The following SEC14L6 variants were observed in gnomAD, a reference collection of about 807,000 sequenced individuals.
The protein encoded by SEC14L6 is SEC14-like protein 6.
In SEC14L6, 40 loss-of-function variants were observed where a neutral mutation model predicts 54.1. The observed-to-expected ratio is 0.74, with a 90% confidence interval of 0.57 to 0.96. The LOEUF is 0.96. SEC14L6 is among the 40% of genes least tolerant of loss of function. The pLI, the probability that SEC14L6 is intolerant of heterozygous loss-of-function variation, is 0.00. For synonymous variants in SEC14L6, 171 were observed against 198.4 expected (o/e 0.86, Z 1.16); for missense variants, 471 against 498.3 (o/e 0.95, Z 0.52).
At chr22:30,542,963 T>G in intron 1 of SEC14L6, 1 of 1,600,388 alleles carries the variant, frequency 6.2e-7, no homozygotes, top group South Asian at 1.1e-5. Context: ...AGCCCTGACG[T>G]GGAGTTGAAG....
In SEC14L6 at chr22:30,529,286, C is replaced by T. The variant is rs1339436376; in HGVS notation, c.580+3G>A. ...CATGCATATCCTGGGCTGCTTTACT[C>T]ACCTCTCACAACAATTAAACTCTTC... On this transcript the variant is annotated splice_donor_region_variant and intron_variant, in intron 7 of 11. Coordinates refer to ENST00000402034, the MANE Select transcript of SEC14L6 (RefSeq NM_001193336.4). 1.9e-6 allele frequency: 3 copies of T among 1,550,392 alleles called. No individual in the cohort carries two copies. Among genetic ancestry groups the T allele is most frequent in the Non-Finnish European group, 1.7e-6 (2 of 1,146,838 alleles).
chr22:30,542,231 C>A (rs951302410), intron 1 of SEC14L6, among the ~76,000 whole-genome samples: 1 of 152,220 alleles, frequency 6.6e-6, no homozygotes, highest in Non-Finnish European at 1.5e-5. Flanking sequence ...CCGCACCCAC[C>A]CCCAAGAGGG....
chr22:30,525,870 C>G lies in SEC14L6; in HGVS notation c.727G>C (p.Gly243Arg). ...SPDQLPVEFG[G>R]TMTDPDGNPK... is the part of the protein sequence containing the mutation. ...TTGCCATCGGGGTCAGTCATGGTCC[C>G]CCCAAACTCCACGGGCAGCTGGTCG... Residue 243 changes from glycine to arginine, a missense_variant, in exon 9 of 12, where the codon GGG becomes CGG. Physicochemically the swap from Gly to Arg is moderately radical, Grantham distance 125 (BLOSUM62 -2). Transcript: ENST00000402034. 1 of 1,613,704 alleles carries G rather than the reference C, an allele frequency of 6.2e-7. No individual in the cohort carries two copies. The highest frequency in any genetic ancestry group is 2.2e-5 in the East Asian group (1 of 44,876).
In SEC14L6 at chr22:30,529,277, T is replaced by G; in HGVS notation, c.580+12A>C. Reference sequence around the variant, plus strand: ...CCCCCAACTCATGCATATCCTGGGCTGCTTTACTCACCTCTCACAACAATT... The same window carrying G: ...CCCCCAACTCATGCATATCCTGGGCGGCTTTACTCACCTCTCACAACAATT... On this transcript the variant is annotated intron_variant, in intron 7 of 11. Transcript: ENST00000402034. 1 of 1,550,250 alleles carries G rather than the reference T, an allele frequency of 6.5e-7. No individual in the cohort carries two copies. The highest frequency in any genetic ancestry group is 8.7e-7 in the Non-Finnish European group (1 of 1,146,666).
chr22:30,545,667 C>G (rs1451659347), intron 1 of SEC14L6, among the ~76,000 whole-genome samples: 3 of 152,132 alleles, frequency 2.0e-5, no homozygotes, highest in Non-Finnish European at 1.5e-5. Context: ...CTCCTGGGCT[C>G]CAGTGATCCT....
intron 1 of SEC14L6, among the ~76,000 whole-genome samples, chr22:30,541,517 G>A (rs68042293): frequency 0.097 from 14,799 of 152,246 alleles, 980 homozygotes; most frequent in Non-Finnish European, 0.14. Flanking sequence ...AGATTAGCCA[G>A]GTATGGTGGC....
Position 30,532,441 on chromosome 22 carries a change from C to A in SEC14L6, c.423+84G>T. 7.1e-6 allele frequency: 10 copies of A among 1,414,210 alleles called. No individual in the cohort carries two copies. In the South Asian group the frequency reaches 1.1e-4, roughly 16 times the overall value. The allele number at this position is 1,414,210 out of a possible 1,614,324, so 87.6% of individuals were successfully genotyped here. On this transcript the variant is annotated intron_variant, in intron 5 of 11. Transcript: ENST00000402034. ...AGGAGGAGCCGAGGAGCCCAGGAGC[C>A]CAGGAAGGCAGATTCTGGGTGTGAG...
chr22:30,535,342 G>A (rs970656596), intron 2 of SEC14L6, among the ~76,000 whole-genome samples: 3 of 152,222 alleles, frequency 2.0e-5, no homozygotes, highest in Admixed American at 6.5e-5. Context: ...CTTTGCAGCA[G>A]CACTTCTGCT....
At chr22:30,526,297 G>T (rs371309177) in intron 8 of SEC14L6, among the ~76,000 whole-genome samples, 2 of 152,168 alleles carry the variant, frequency 1.3e-5, no homozygotes, top group African/African-American at 4.8e-5. Flanking sequence ...CCCGGTCTTC[G>T]CTTTCCCTTA....
At chr22:30,530,462 G>A (rs895459707) in intron 6 of SEC14L6, among the ~76,000 whole-genome samples, 1 of 152,102 alleles carries the variant, frequency 6.6e-6, no homozygotes, top group East Asian at 1.9e-4. Flanking sequence ...GTGCAGTGGC[G>A]CGATCTCAAC....
At chr22:30,527,619 G>C (rs1204718599) in intron 8 of SEC14L6, among the ~76,000 whole-genome samples, 1 of 149,532 alleles carries the variant, frequency 6.7e-6, no homozygotes, top group Non-Finnish European at 1.5e-5. Context: ...GGAGGCTGAA[G>C]TGAGAGGACT....
At chr22:30,542,996 C>A in intron 1 of SEC14L6, 1 of 1,602,250 alleles carries the variant, frequency 6.2e-7, no homozygotes, top group South Asian at 1.1e-5. Flanking sequence ...ACTGAGCTGT[C>A]TGTGCGTGCC....
chr22:30,535,458 C>G (rs975094415), intron 2 of SEC14L6, among the ~76,000 whole-genome samples: 1 of 152,236 alleles, frequency 6.6e-6, no homozygotes, highest in Non-Finnish European at 1.5e-5. Flanking sequence ...ACCATGAAAG[C>G]TGCCAGTGGC....
Position 30,525,898 on chromosome 22 carries a change from G to A in SEC14L6, c.699C>T (p.Ser233=), listed in dbSNP as rs764210287. Residue 233 remains serine, a synonymous_variant, in exon 9 of 12, where the codon AGC becomes AGT. Coordinates refer to ENST00000402034, the MANE Select transcript of SEC14L6 (RefSeq NM_001193336.4). Reference sequence around the variant, plus strand: ...CAAACTCCACGGGCAGCTGGTCGGGGCTGATGAATTTTGTCAGCTCCTGCT... The same window carrying A: ...CAAACTCCACGGGCAGCTGGTCGGGACTGATGAATTTTGTCAGCTCCTGCT... ...NWKQELTKFI[S]PDQLPVEFGG... is the part of the protein sequence containing the mutation. 4 of 1,612,934 alleles carry A rather than the reference G, an allele frequency of 2.5e-6. No individual in the cohort carries two copies. Among genetic ancestry groups the A allele is most frequent in the Non-Finnish European group, 3.4e-6 (4 of 1,179,392 alleles).
chr22:30,533,658 T>G (rs1937056317), intron 3 of SEC14L6, among the ~76,000 whole-genome samples: 1 of 151,986 alleles, frequency 6.6e-6, no homozygotes, highest in African/African-American at 2.4e-5. Context: ...GCATGAGCTG[T>G]GCTCTTCACC....
intron 6 of SEC14L6, among the ~76,000 whole-genome samples, chr22:30,530,911 G>C (rs1345265825): frequency 1.3e-5 from 2 of 152,210 alleles, no homozygotes; most frequent in Non-Finnish European, 2.9e-5. Context: ...CAGGTATTGG[G>C]GGTGAGGGCA....
intron 1 of SEC14L6, among the ~76,000 whole-genome samples, chr22:30,540,155 G>A (rs2085673678): frequency 6.6e-6 from 1 of 152,094 alleles, no homozygotes; most frequent in Admixed American, 6.5e-5. Context: ...TTTGGCCTTG[G>A]GCTAAGCCTT....
Position 30,534,327 on chromosome 22 carries a change from A to G in SEC14L6, c.131-288T>C, listed in dbSNP as rs144175637. ...CAGACCCTCAGAATCTGTCAGAATC[A>G]TAAGGCTGAGAATTGTTTAAATCAG... On this transcript the variant is annotated intron_variant, in intron 2 of 11. Transcript: ENST00000402034. Among the ~76,000 whole-genome samples the G allele has an allele frequency of 5.7e-3, 864 of 152,330 alleles. 8 individuals carry two copies. The highest frequency in any genetic ancestry group is 0.027 in the Middle Eastern group (8 of 294).
intron 1 of SEC14L6, chr22:30,543,284 C>T: frequency 6.3e-7 from 1 of 1,583,866 alleles, no homozygotes; most frequent in Middle Eastern, 1.7e-4. Flanking sequence ...CGGGGGGACT[C>T]TTTTCGTGGG....
Sources: gnomAD v4.1 joint callset for allele counts (sites outside exome capture counted in the v4.1 genomes callset) on GRCh38, gnomAD v4.1.1 for gene constraint, MANE v1.5 for transcripts, NCBI Gene and HGNC (gene_info 2026-07-23, HGNC 2026-07-21) for gene names.